IL34: variants seen among roughly 807,000 people sequenced by gnomAD.
IL34 encodes the protein interleukin 34.
A neutral mutation model predicts 25.3 loss-of-function variants in IL34; 17 were observed. The observed-to-expected ratio is 0.67, with a 90% CI of 0.46 to 1.01. The LOEUF (loss-of-function observed/expected upper bound fraction) is 1.01. IL34 is among the 50% of genes least tolerant of loss of function. The probability of loss-of-function intolerance (pLI) is 0.00; values close to 1 mark genes in which losing one functional copy is unlikely to be tolerated. For synonymous variants in IL34, 174 were observed against 140.9 expected (o/e 1.23, Z -1.66); for missense variants, 368 against 312.9 (o/e 1.18, Z -1.33).
intron 1 of IL34, among the ~76,000 whole-genome samples, chr16:70,634,784 A>G (rs553779318): frequency 6.6e-6 from 1 of 151,776 alleles, no homozygotes; most frequent in Admixed American, 6.5e-5. Flanking sequence ...ACCTATCACC[A>G]TAGATTAGTT....
chr16:70,605,587 G>A (rs866630310), intron 1 of IL34, among the ~76,000 whole-genome samples: 3 of 152,010 alleles, frequency 2.0e-5, no homozygotes, highest in Non-Finnish European at 4.4e-5. Context: ...AGATACCTCA[G>A]TTTATAAGCA....
chr16:70,596,220 A>G (rs1393645639), intron 1 of IL34, among the ~76,000 whole-genome samples: 1 of 152,114 alleles, frequency 6.6e-6, no homozygotes, highest in Admixed American at 6.5e-5. Flanking sequence ...AGGGCACTAA[A>G]TCCATTCAAA....
chr16:70,625,590 C>A (rs921659500), intron 1 of IL34, among the ~76,000 whole-genome samples: 5 of 152,136 alleles, frequency 3.3e-5, no homozygotes, highest in Non-Finnish European at 7.4e-5. Flanking sequence ...AGGCAGGCAT[C>A]CCTGCGTGGT....
intron 1 of IL34, among the ~76,000 whole-genome samples, chr16:70,634,259 A>T (rs1418200070): frequency 2.0e-5 from 3 of 152,114 alleles, no homozygotes; most frequent in Non-Finnish European, 4.4e-5. Context: ...TTTCCAAACA[A>T]GGTCATATTC....
intron 1 of IL34, among the ~76,000 whole-genome samples, chr16:70,623,435 TG>T (rs1036560524): frequency 6.6e-6 from 1 of 151,626 alleles, no homozygotes; most frequent in East Asian, 1.9e-4. Context: ...ACAGGCAAAA[TG>T]GGGGAATTGT....
At chr16:70,630,556 C>CCCTCT (rs1033218970) in intron 1 of IL34, among the ~76,000 whole-genome samples, 3 of 151,582 alleles carry the variant, frequency 2.0e-5, no homozygotes, top group African/African-American at 7.3e-5. Flanking sequence ...CTCTCCCCTC[C>CCCTCT]CCTCTCCTCT....
At chr16:70,635,196 T>C (rs1377925670) in intron 1 of IL34, among the ~76,000 whole-genome samples, 2 of 152,190 alleles carry the variant, frequency 1.3e-5, no homozygotes, top group Non-Finnish European at 2.9e-5. Context: ...TCCCAGCTTA[T>C]ACTCTCAAGG....
intron 1 of IL34, among the ~76,000 whole-genome samples, chr16:70,651,851 T>G (rs1282764854): frequency 6.6e-6 from 1 of 151,432 alleles, no homozygotes; most frequent in Non-Finnish European, 1.5e-5. Flanking sequence ...CCTGGGTGGG[T>G]GCGGTGGCTT....
chr16:70,599,339 T>TTC (rs951910702), intron 1 of IL34, among the ~76,000 whole-genome samples: 9 of 144,360 alleles, frequency 6.2e-5, no homozygotes, highest in African/African-American at 2.4e-4. Context: ...CTCTCTTTCT[T>TTC]TCTCTCTTTC....
intron 1 of IL34, among the ~76,000 whole-genome samples, chr16:70,625,591 C>T (rs1434693828): frequency 6.6e-6 from 1 of 152,100 alleles, no homozygotes; most frequent in East Asian, 1.9e-4. Flanking sequence ...GGCAGGCATC[C>T]CTGCGTGGTC....
intron 1 of IL34, among the ~76,000 whole-genome samples, chr16:70,592,346 C>T (rs911739441): frequency 6.6e-6 from 1 of 152,136 alleles, no homozygotes; most frequent in African/African-American, 2.4e-5. Flanking sequence ...CCCACCCTGA[C>T]CGCCTCCTGA....
chr16:70,630,942 C>A (rs1425151615), intron 1 of IL34, among the ~76,000 whole-genome samples: 1 of 152,104 alleles, frequency 6.6e-6, no homozygotes, highest in Non-Finnish European at 1.5e-5. Flanking sequence ...GTGAATAGTG[C>A]TGCAATAAAC....
intron 1 of IL34, among the ~76,000 whole-genome samples, chr16:70,628,528 C>A (rs968238981): frequency 2.9e-4 from 44 of 150,870 alleles, no homozygotes; most frequent in African/African-American, 1.0e-3. Context: ...GCTCTGTTGC[C>A]CAGGCTGGAA....
intron 1 of IL34, among the ~76,000 whole-genome samples, chr16:70,621,547 A>G (rs2051282492): frequency 6.6e-6 from 1 of 152,094 alleles, no homozygotes; most frequent in African/African-American, 2.4e-5. Context: ...TGGAGCAAAG[A>G]ACAGGAGGAC....
intron 1 of IL34, among the ~76,000 whole-genome samples, chr16:70,608,129 T>C (rs60245673): frequency 0.37 from 48,236 of 129,650 alleles, 8,382 homozygotes; most frequent in South Asian, 0.57. Flanking sequence ...CTTTTTTCTT[T>C]TTTTTTTTTT....
chr16:70,588,551 G>C (rs1262299729), intron 1 of IL34, among the ~76,000 whole-genome samples: 2 of 151,774 alleles, frequency 1.3e-5, no homozygotes, highest in Non-Finnish European at 2.9e-5. Context: ...TCCCACTTCT[G>C]GATATATACC....
intron 1 of IL34, among the ~76,000 whole-genome samples, chr16:70,639,844 G>A (rs2051740642): frequency 6.6e-6 from 1 of 151,996 alleles, no homozygotes; most frequent in Admixed American, 6.6e-5. Context: ...TGTAGTCCGA[G>A]CTACTCAGGA....
In IL34 at chr16:70,656,627, A is replaced by G; in HGVS notation, c.188A>G (p.Lys63Arg). 1 of 1,434,512 alleles carries G rather than the reference A, an allele frequency of 7.0e-7. No individual in the cohort carries two copies. The highest frequency in any genetic ancestry group is 2.3e-5 in the East Asian group (1 of 44,070). The allele number at this position is 1,434,512 out of a possible 1,614,324, so 88.9% of individuals were successfully genotyped here. Residue 63 changes from lysine (K) to arginine (R), a missense_variant, in exon 3 of 6, where the codon AAG (lysine) becomes AGG (arginine). Physicochemically the swap from Lys to Arg is conservative, Grantham distance 26. Transcript: ENST00000288098. ...YMKHYFPINY[K>R]ISVPYEGVFR... ...AAACACTACTTCCCCATCAACTACA[A>G]GATCAGTGTGCCTTACGAGGGGGTG...
intron 1 of IL34, among the ~76,000 whole-genome samples, chr16:70,615,700 C>T (rs2051163185): frequency 6.6e-6 from 1 of 152,140 alleles, no homozygotes; most frequent in Non-Finnish European, 1.5e-5. Flanking sequence ...CCTGTAATCT[C>T]AGCACTTTGG....
Sources: gnomAD v4.1 joint callset for allele counts (sites outside exome capture counted in the v4.1 genomes callset) on GRCh38, gnomAD v4.1.1 for gene constraint, MANE v1.5 for transcripts, NCBI Gene and HGNC (gene_info 2026-07-23, HGNC 2026-07-21) for gene names.